Variants in LEPROTL1 observed in about 807,000 individuals in gnomAD.
LEPROTL1 encodes leptin receptor overlapping transcript like 1.
LEPROTL1 carries 6 observed loss-of-function variants against 15.4 expected under a neutral mutation model. That is an observed-to-expected ratio of 0.39 (90% CI 0.21 to 0.77). The LOEUF (loss-of-function observed/expected upper bound fraction) is 0.77, where lower values mean the gene tolerates loss of function less well. Ranked by LOEUF, LEPROTL1 falls within the 30% of genes least tolerant of loss-of-function variation. The pLI is 0.41. For missense variants in LEPROTL1, 128 were observed against 158.1 expected, an observed-to-expected ratio of 0.81 and a Z score of 1.02; for synonymous variants, 56 against 52.6, an observed-to-expected ratio of 1.06 and a Z score of -0.28.
chr8:30,120,587 G>C (rs1175452723), intron 3 of LEPROTL1, among the ~76,000 whole-genome samples: 1 of 152,150 alleles, frequency 6.6e-6, no homozygotes, highest in Non-Finnish European at 1.5e-5. Flanking sequence ...CTGGAGTGCA[G>C]TGGTGCAATC....
At chr8:30,114,326 T>A (rs1802702542) in intron 3 of LEPROTL1, among the ~76,000 whole-genome samples, 1 of 150,774 alleles carries the variant, frequency 6.6e-6, no homozygotes, top group Admixed American at 6.6e-5. Flanking sequence ...AGTCTGGCTC[T>A]GTCACCCAGG....
At chr8:30,096,049 CTT>C (rs1802359360) in intron 1 of LEPROTL1, among the ~76,000 whole-genome samples, 1 of 152,210 alleles carries the variant, frequency 6.6e-6, no homozygotes, top group South Asian at 2.1e-4. Flanking sequence ...GCGCCCGAGG[CTT>C]TACAGGCTCC....
At chr8:30,103,832 T>C (rs1367821658) in intron 2 of LEPROTL1, among the ~76,000 whole-genome samples, 1 of 152,170 alleles carries the variant, frequency 6.6e-6, no homozygotes, top group East Asian at 1.9e-4. Flanking sequence ...CCTATTTTAT[T>C]CTATGGTAGT....
chr8:30,095,663 C>G, intron 1 of LEPROTL1, 135 bp downstream of exon 1: 1 of 744,694 alleles, frequency 1.3e-6, no homozygotes, highest in Non-Finnish European at 2.0e-6. Context: ...AAGCGACCCC[C>G]GCCCCGGCCC....
chr8:30,128,167 G>A (rs1355412), intron 3 of LEPROTL1, among the ~76,000 whole-genome samples: 118,989 of 152,106 alleles, frequency 0.78, 47,809 homozygotes, highest in Non-Finnish European at 0.87. Context: ...CTCTGGCTCC[G>A]ACTTCTTTCC....
chr8:30,114,703 G>A (rs1323727403), intron 3 of LEPROTL1, among the ~76,000 whole-genome samples: 1 of 152,160 alleles, frequency 6.6e-6, no homozygotes, highest in Non-Finnish European at 1.5e-5. Context: ...CTTCAGCAGC[G>A]AACGACTCCC....
chr8:30,130,092 A>G (rs753393075), intron 3 of LEPROTL1, among the ~76,000 whole-genome samples: 25 of 152,272 alleles, frequency 1.6e-4, no homozygotes, highest in Non-Finnish European at 2.6e-4. Context: ...GACCCAAACC[A>G]TATCAAAAAG....
chr8:30,135,559 G>A (rs975179326), intron 4 of LEPROTL1, among the ~76,000 whole-genome samples: 2 of 152,072 alleles, frequency 1.3e-5, no homozygotes, highest in African/African-American at 4.8e-5. Context: ...AATCACCTGA[G>A]CTCTTACTGC....
chr8:30,122,528 C>A (rs1263493012), intron 3 of LEPROTL1, among the ~76,000 whole-genome samples: 1 of 152,162 alleles, frequency 6.6e-6, no homozygotes, highest in East Asian at 1.9e-4. Flanking sequence ...TGGTGGCTCA[C>A]GCCTGTAATC....
At position 30,105,778 on chromosome 8, in the gene LEPROTL1, A is replaced by G. The variant is rs1802555022; in HGVS notation, c.312A>G (p.Thr104=). 2 of 1,589,694 alleles carry G rather than the reference A, an allele frequency of 1.3e-6. No homozygotes were observed. Among genetic ancestry groups the G allele is most frequent in the Non-Finnish European group, 1.7e-6 (2 of 1,166,930 alleles). ...GGGGAGCTTGTGCACTTGTTCTCAC[A>G]GGAAACACAGTCATCTTTGCAACTA... ...IEWGACALVL[T]GNTVIFATIL... Residue 104 remains threonine (T), a synonymous_variant, in exon 4 of 4, where the codon ACA becomes ACG. Coordinates refer to ENST00000321250, the MANE Select transcript of LEPROTL1 (RefSeq NM_015344.3).
intron 2 of LEPROTL1, among the ~76,000 whole-genome samples, chr8:30,103,780 G>C (rs1291422096): frequency 6.6e-6 from 1 of 150,844 alleles, no homozygotes; most frequent in Non-Finnish European, 1.5e-5. Flanking sequence ...ATAAGTAGCT[G>C]CTTATCATTA....
chr8:30,107,634 AGGCTGAAAGT>A lies in LEPROTL1; in HGVS notation c.*1777_*1786del. On this transcript the variant is annotated 3_prime_UTR_variant, in exon 4 of 4. Transcript: ENST00000321250. ...CGTGTGGCTGGAGCCTTCCCACTGG[AGGCTGAAAGT>A]GGCTTGTGGTATTATAATGTTCAGA... The A allele has an allele frequency of 1.0e-6, 1 of 985,792 alleles. No individual in the cohort carries two copies. 61.1% of individuals were successfully genotyped at this position (985,792 alleles called of 1,614,324 possible).
At chr8:30,101,401 C>T (rs1802464060) in intron 1 of LEPROTL1, among the ~76,000 whole-genome samples, 1 of 152,182 alleles carries the variant, frequency 6.6e-6, no homozygotes, top group Non-Finnish European at 1.5e-5. Flanking sequence ...GATGTGGTGG[C>T]TCACGCCTGT....
intron 3 of LEPROTL1, among the ~76,000 whole-genome samples, chr8:30,128,608 C>T (rs1193042659): frequency 3.9e-5 from 6 of 151,906 alleles, no homozygotes; most frequent in East Asian, 3.9e-4. Context: ...AAAAATTAGC[C>T]GGACATAGTT....
At chr8:30,112,441 G>GTTTTTT (rs1563215906), downstream of LEPROTL1, among the ~76,000 whole-genome samples, 1 of 50,376 alleles carries the variant, frequency 2.0e-5, no homozygotes, top group African/African-American at 5.3e-5. Context: ...TGGATTTTTG[G>GTTTTTT]TAGGCACAGG....
chr8:30,120,082 TAAATAAA>T (rs35459223), intron 3 of LEPROTL1, among the ~76,000 whole-genome samples: 112,990 of 151,346 alleles, frequency 0.75, 44,115 homozygotes, highest in Non-Finnish European at 0.86. Flanking sequence ...AATAAATAAA[TAAATAAA>T]TAAATAAATA....
At chr8:30,128,844 A>G (rs557766519) in intron 3 of LEPROTL1, among the ~76,000 whole-genome samples, 48 of 150,806 alleles carry the variant, frequency 3.2e-4, no homozygotes, top group Admixed American at 1.1e-3. Context: ...TCAACTGCAC[A>G]CACCCCTAGA....
downstream of LEPROTL1, among the ~76,000 whole-genome samples, chr8:30,109,058 G>A (rs578020218): frequency 3.0e-5 from 4 of 133,402 alleles, no homozygotes; most frequent in East Asian, 8.7e-4. Flanking sequence ...AAAGTGCTGG[G>A]ATTACAGGCG....
chr8:30,100,489 G>T (rs1010036847), intron 1 of LEPROTL1, among the ~76,000 whole-genome samples: 1 of 151,918 alleles, frequency 6.6e-6, no homozygotes, highest in Non-Finnish European at 1.5e-5. Flanking sequence ...TTGCTCTGTC[G>T]CACAGGCTGG....
Sources: allele counts gnomAD v4.1 joint callset (sites outside exome capture counted in the v4.1 genomes callset), GRCh38; gene constraint gnomAD v4.1.1; transcripts MANE v1.5; gene names NCBI Gene and HGNC (gene_info 2026-07-23, HGNC 2026-07-21).